The following ROBO2 variants were observed in gnomAD, a reference collection of about 807,000 sequenced individuals.
The protein encoded by ROBO2 is roundabout homolog 2.
Under a neutral mutation model 160.8 loss-of-function variants are expected in ROBO2, and 53 were observed. The ratio of observed to expected loss-of-function variants is 0.33; its 90% CI spans 0.26 to 0.41. ROBO2 has a LOEUF of 0.41. ROBO2 is among the 10% of genes least tolerant of loss of function. ROBO2 has a pLI of 1.00. For synonymous variants in ROBO2, 664 were observed against 611.7 expected (o/e 1.09, Z -1.26); for missense variants, 1,577 against 1,722.4 (o/e 0.92, Z 1.49).
intron 2 of ROBO2, among the ~76,000 whole-genome samples, chr3:76,965,540 A>G (rs2080002722): frequency 6.6e-6 from 1 of 152,128 alleles, no homozygotes; most frequent in South Asian, 2.1e-4. Flanking sequence ...GTGCCAGACC[A>G]AAGATTGGAG....
At chr3:77,096,096 C>A (rs1177832319) in intron 1 of ROBO2, among the ~76,000 whole-genome samples, 1 of 151,980 alleles carries the variant, frequency 6.6e-6, no homozygotes, top group East Asian at 1.9e-4. Context: ...CCCTTTAATA[C>A]ATTAAAACAT....
intron 2 of ROBO2, among the ~76,000 whole-genome samples, chr3:77,143,282 C>T (rs1216477167): frequency 6.7e-6 from 1 of 149,510 alleles, no homozygotes; most frequent in Non-Finnish European, 1.5e-5. Flanking sequence ...GCAACCTCTG[C>T]CTCCCAGGTT....
chr3:77,588,657 T>C, intron 16 of ROBO2, 94 bp from the exon 18 acceptor site: 1 of 1,187,790 alleles, frequency 8.4e-7, no homozygotes, highest in Non-Finnish European at 1.2e-6. Flanking sequence ...TTTCCTGCCT[T>C]CAAATAATTT....
intron 2 of ROBO2, among the ~76,000 whole-genome samples, chr3:77,362,800 A>AT (rs1318425399): frequency 6.6e-6 from 1 of 152,144 alleles, no homozygotes; most frequent in Non-Finnish European, 1.5e-5. Flanking sequence ...TGGAAGGCAA[A>AT]TAAGGAGCAA....
At chr3:75,981,749 C>T (rs663376) in intron 2 of ROBO2, among the ~76,000 whole-genome samples, 116,738 of 151,108 alleles carry the variant, frequency 0.77, 46,272 homozygotes, top group East Asian at 0.97. Context: ...TCCCTAAGCA[C>T]TTATCCTTTG....
chr3:76,165,080 A>C (rs2072777620), intron 2 of ROBO2, among the ~76,000 whole-genome samples: 1 of 152,224 alleles, frequency 6.6e-6, no homozygotes, highest in African/African-American at 2.4e-5. Context: ...ACCACGGGAA[A>C]AAATAGAGCT....
intron 2 of ROBO2, among the ~76,000 whole-genome samples, chr3:76,629,629 C>T (rs938282407): frequency 7.2e-5 from 11 of 152,228 alleles, no homozygotes; most frequent in Middle Eastern, 3.4e-3. Context: ...CTGCCTTTCC[C>T]ATCCACTGAC....
chr3:76,154,886 A>G lies in ROBO2; in HGVS notation c.109+217284A>G, dbSNP rs530645145. On this transcript the variant is annotated intron_variant, in intron 2 of 26. Transcript: ENST00000487694. ...CAGCAACTGTTGACTTTTTGGTTGA[A>G]TTTCTACTTTCTGGACAAATATATA... Among the ~76,000 whole-genome samples, 13 of 152,270 alleles carry G rather than the reference A, an allele frequency of 8.5e-5. 2 individuals are homozygous for G. The South Asian group carries it at 2.5e-3, about 29-fold the overall frequency.
At chr3:77,085,081 A>G (rs2069130010) in intron 1 of ROBO2, among the ~76,000 whole-genome samples, 1 of 152,112 alleles carries the variant, frequency 6.6e-6, no homozygotes. Flanking sequence ...GTAGATCCCC[A>G]AATGAAAAGT....
chr3:77,605,907 G>A (rs1007785511), intron 20 of ROBO2, among the ~76,000 whole-genome samples: 6 of 152,082 alleles, frequency 3.9e-5, no homozygotes, highest in African/African-American at 1.4e-4. Flanking sequence ...GAATAAAGGA[G>A]GTGAAACTAG....
intron 2 of ROBO2, among the ~76,000 whole-genome samples, chr3:76,702,950 A>G (rs2107486273): frequency 6.6e-6 from 1 of 152,236 alleles, no homozygotes; most frequent in East Asian, 1.9e-4. Flanking sequence ...AATACACTTA[A>G]TCTTTTAGGC....
chr3:76,469,831 A>C (rs1371582762), intron 2 of ROBO2, among the ~76,000 whole-genome samples: 3 of 152,096 alleles, frequency 2.0e-5, no homozygotes, highest in Non-Finnish European at 2.9e-5. Flanking sequence ...GATGTCATTA[A>C]ATTTTGTCTT....
intron 1 of ROBO2, among the ~76,000 whole-genome samples, chr3:75,915,504 A>C (rs973816300): frequency 2.0e-5 from 3 of 152,220 alleles, no homozygotes; most frequent in African/African-American, 7.2e-5. Context: ...TATAGTTCAC[A>C]GTATTGTAAC....
intron 2 of ROBO2, among the ~76,000 whole-genome samples, chr3:76,940,040 G>T (rs1293241856): frequency 6.8e-6 from 1 of 147,070 alleles, no homozygotes; most frequent in Non-Finnish European, 1.5e-5. Flanking sequence ...GGGGTGCGGT[G>T]GCGCTACCTC....
chr3:76,145,382 T>C (rs2071845405), intron 2 of ROBO2, among the ~76,000 whole-genome samples: 1 of 152,046 alleles, frequency 6.6e-6, no homozygotes, highest in Non-Finnish European at 1.5e-5. Flanking sequence ...GGTACAAATA[T>C]GGTAAATTGA....
chr3:76,742,828 A>G (rs926334577), intron 2 of ROBO2, among the ~76,000 whole-genome samples: 1 of 145,010 alleles, frequency 6.9e-6, no homozygotes, highest in Admixed American at 7.2e-5. Context: ...ATATTCACAC[A>G]TACCAAAATC....
In ROBO2 at chr3:77,556,859, G is replaced by A. The variant is rs75115121; in HGVS notation, c.1232-1085G>A. ...TACATATAACCATACACAATAAAAA[G>A]CATATTTTGGATAATTAACCAAAGT... is the stretch of plus-strand genomic sequence containing the variant. On this transcript the variant is annotated intron_variant, in intron 8 of 25. Coordinates refer to ENST00000461745, the Ensembl canonical transcript of ROBO2. Among the ~76,000 whole-genome samples, 378 of 151,744 alleles carry A rather than the reference G, an allele frequency of 2.5e-3. 3 individuals carry two copies. Among genetic ancestry groups the A allele is most frequent in the African/African-American group, 8.8e-3 (364 of 41,456 alleles).
At chr3:77,518,582 G>T (rs1015556659) in intron 5 of ROBO2, among the ~76,000 whole-genome samples, 1 of 151,452 alleles carries the variant, frequency 6.6e-6, no homozygotes, top group African/African-American at 2.4e-5. Flanking sequence ...GCTGGAGAGA[G>T]CCAAGGAGGT....
chr3:76,951,594 TAA>T (rs2078958068), intron 2 of ROBO2, among the ~76,000 whole-genome samples: 1 of 152,216 alleles, frequency 6.6e-6, no homozygotes, highest in Non-Finnish European at 1.5e-5. Flanking sequence ...CTGAACTTTT[TAA>T]AGTGTTATTT....
Sources: gnomAD v4.1 joint callset for allele counts (sites outside exome capture counted in the v4.1 genomes callset) on GRCh38, gnomAD v4.1.1 for gene constraint, MANE v1.5 for transcripts, NCBI Gene and HGNC (gene_info 2026-07-23, HGNC 2026-07-21) for gene names.